UGT2A2: variants seen among roughly 807,000 people sequenced by gnomAD.
UGT2A2 encodes the protein UDP-glucuronosyltransferase 2A2.
UGT2A2 carries 60 observed loss-of-function variants against 50.7 expected under a neutral mutation model. The ratio of observed to expected loss-of-function variants is 1.18; its 90% CI spans 0.96 to 1.47. UGT2A2 has a LOEUF of 1.47. UGT2A2 is among the 40% of genes most tolerant of loss of function. The pLI is 0.00. For synonymous variants in UGT2A2, 242 were observed against 214.6 expected (o/e 1.13, Z -1.11); for missense variants, 762 against 634.0 (o/e 1.20, Z -2.17).
chr4:69,598,127 T>C (rs1255627535), intron 2 of UGT2A2, among the ~76,000 whole-genome samples: 2 of 152,148 alleles, frequency 1.3e-5, no homozygotes, highest in Non-Finnish European at 2.9e-5. Flanking sequence ...TTATTTCCTA[T>C]AATAAACATT....
At chr4:69,635,697 G>A in intron 1 of UGT2A2, 1 of 284,738 alleles carries the variant, frequency 3.5e-6, no homozygotes, top group Non-Finnish European at 7.0e-6. Context: ...TGACCTGCTG[G>A]CAGCCTGTAA....
At chr4:69,599,953 C>T (rs192704551) in intron 1 of UGT2A2, among the ~76,000 whole-genome samples, 1 of 152,184 alleles carries the variant, frequency 6.6e-6, no homozygotes, top group African/African-American at 2.4e-5. Flanking sequence ...AAATCAGAGG[C>T]ATTGCTAGCA....
At position 69,602,387 on chromosome 4, in the gene UGT2A2, G is replaced by T. The variant is rs923627831; in HGVS notation, c.743-2993C>A. 2.6e-4 allele frequency among the ~76,000 whole-genome samples: 35 copies of T among 136,862 alleles called. 7 individuals carry two copies. Among genetic ancestry groups the T allele is most frequent in the Admixed American group, 2.4e-3 (34 of 13,970 alleles). The allele number at this position is 136,862 out of a possible 152,430, so 89.8% of individuals were successfully genotyped here. A position where few individuals can be genotyped will look rare whatever the true frequency, so the allele number is the denominator to read the frequency against. On this transcript the variant is annotated intron_variant, in intron 1 of 5. Coordinates refer to ENST00000604629, the MANE Select transcript of UGT2A2 (RefSeq NM_001105677.2). ...AAAAAAGTCAGTGGTATGTACTAAT[G>T]ACAACTTTAATTCAACAATACTTTA... is the stretch of plus-strand genomic sequence containing the variant.
chr4:69,637,349 T>C (rs1721768723), intron 1 of UGT2A2, among the ~76,000 whole-genome samples: 3 of 151,974 alleles, frequency 2.0e-5, no homozygotes. Flanking sequence ...AACTTTTTGA[T>C]AAAAAAAATT....
At position 69,592,846 on chromosome 4, in the gene UGT2A2, T is replaced by A. The variant is rs138934480; in HGVS notation, c.1331+1631A>T. Reference sequence around the variant, plus strand: ...TTTCTGAAAAGAAAAACTGGATAATTTTTTATCTTAGATTAACATTGTTGT... The same window carrying A: ...TTTCTGAAAAGAAAAACTGGATAATATTTTATCTTAGATTAACATTGTTGT... On this transcript the variant is annotated intron_variant, in intron 5 of 5. Coordinates refer to ENST00000604629, the MANE Select transcript of UGT2A2 (RefSeq NM_001105677.2). 3.2e-3 allele frequency among the ~76,000 whole-genome samples: 481 copies of A among 152,166 alleles called. 3 individuals carry two copies. The highest frequency in any genetic ancestry group is 0.011 in the African/African-American group (456 of 41,556).
intron 1 of UGT2A2, 197 bp from the exon 2 acceptor site, chr4:69,599,591 AGAAGGAAG>A: frequency 5.2e-6 from 4 of 772,142 alleles, no homozygotes; most frequent in Non-Finnish European, 7.2e-6. Flanking sequence ...AAGGAAGAAA[AGAAGGAAG>A]GAAGGGAGGA....
chr4:69,592,670 A>C (rs563055831), intron 5 of UGT2A2, among the ~76,000 whole-genome samples: 8 of 152,280 alleles, frequency 5.3e-5, no homozygotes, highest in African/African-American at 1.7e-4. Context: ...AATTAATAAT[A>C]GTAAAAATTG....
At chr4:69,624,587 C>T (rs552985062) in intron 1 of UGT2A2, among the ~76,000 whole-genome samples, 1 of 150,364 alleles carries the variant, frequency 6.7e-6, no homozygotes, top group Admixed American at 6.7e-5. Context: ...TTTTATGATC[C>T]TAGTTGATTT....
intron 1 of UGT2A2, among the ~76,000 whole-genome samples, chr4:69,615,002 C>T (rs1016231875): frequency 2.0e-5 from 3 of 151,894 alleles, no homozygotes; most frequent in Admixed American, 1.3e-4. Context: ...TTGCTACACA[C>T]TTTTAAACAG....
Position 69,589,556 on chromosome 4 carries a change from C to G in UGT2A2, c.1427G>C (p.Arg476Pro). Residue 476 changes from arginine to proline, a missense_variant, in exon 6 of 6, where the codon CGC becomes CCC. Arg to Pro is a moderately radical substitution (Grantham distance 103, BLOSUM62 -2). Coordinates refer to ENST00000604629, the MANE Select transcript of UGT2A2 (RefSeq NM_001105677.2). The stretch of plus-strand genomic sequence containing the variant: ...CCGAAGGTGCTTGGCTCCTTTGTGG[C>G]GCATGACAAACTCGATCCAGAAGAC... ...RAVFWIEFVM[R>P]HKGAKHLRVA... The G allele has an allele frequency of 6.2e-7, 1 of 1,614,010 alleles. No homozygotes were observed. Among genetic ancestry groups the G allele is most frequent in the Non-Finnish European group, 8.5e-7 (1 of 1,179,968 alleles).
At chr4:69,610,378 G>A (rs1197948701) in intron 1 of UGT2A2, among the ~76,000 whole-genome samples, 2 of 151,890 alleles carry the variant, frequency 1.3e-5, no homozygotes, top group South Asian at 2.1e-4. Flanking sequence ...TTTCTATCTG[G>A]CCATTTATCT....
chr4:69,601,924 T>C (rs1719321316), intron 1 of UGT2A2, among the ~76,000 whole-genome samples: 1 of 136,798 alleles, frequency 7.3e-6, no homozygotes, highest in Non-Finnish European at 1.6e-5. Flanking sequence ...ACCACAACCA[T>C]GCAACTTGAG....
At chr4:69,608,439 A>C (rs2109911045) in intron 1 of UGT2A2, among the ~76,000 whole-genome samples, 1 of 150,524 alleles carries the variant, frequency 6.6e-6, no homozygotes, top group Middle Eastern at 3.4e-3. Context: ...GGGAGGGGGG[A>C]AGGATAGCGT....
intron 1 of UGT2A2, among the ~76,000 whole-genome samples, 163 bp downstream of exon 1, chr4:69,638,736 G>T (rs1721864384): frequency 6.6e-6 from 1 of 152,010 alleles, no homozygotes; most frequent in South Asian, 2.1e-4. Flanking sequence ...TCATTGTTAA[G>T]GATTTATTCA....
chr4:69,635,152 A>C (rs1721603401), intron 1 of UGT2A2, among the ~76,000 whole-genome samples: 1 of 152,198 alleles, frequency 6.6e-6, no homozygotes, highest in East Asian at 1.9e-4. Flanking sequence ...AAGAGGAGTA[A>C]GGATTAAAGT....
chr4:69,631,124 G>T (rs1721359287), intron 1 of UGT2A2, among the ~76,000 whole-genome samples: 1 of 151,938 alleles, frequency 6.6e-6, no homozygotes, highest in Admixed American at 6.6e-5. Context: ...AATATCAAAT[G>T]CTTTATTTTT....
intron 2 of UGT2A2, among the ~76,000 whole-genome samples, 195 bp from the exon 3 acceptor site, chr4:69,596,576 G>A (rs777266820): frequency 2.6e-5 from 4 of 152,062 alleles, no homozygotes; most frequent in South Asian, 2.1e-4. Context: ...AGGCTGGAGC[G>A]CAGTGGCATG....
intron 5 of UGT2A2, among the ~76,000 whole-genome samples, chr4:69,591,538 C>T (rs143840838): frequency 3.4e-4 from 51 of 152,112 alleles, no homozygotes; most frequent in African/African-American, 1.2e-3. Flanking sequence ...GGTTGTGAAA[C>T]GTTTCTTATC....
chr4:69,622,154 A>G (rs1489693082), intron 1 of UGT2A2, among the ~76,000 whole-genome samples: 1 of 151,874 alleles, frequency 6.6e-6, no homozygotes, highest in African/African-American at 2.4e-5. Context: ...TCCTGAACCA[A>G]AAGGTTTTTA....
Sources: allele counts gnomAD v4.1 joint callset (sites outside exome capture counted in the v4.1 genomes callset), GRCh38; gene constraint gnomAD v4.1.1; transcripts MANE v1.5; gene names NCBI Gene and HGNC (gene_info 2026-07-23, HGNC 2026-07-21).